The following CDKAL1 variants were observed in gnomAD, a reference collection of about 807,000 sequenced individuals.
CDKAL1 encodes threonylcarbamoyladenosine tRNA methylthiotransferase.
Under a neutral mutation model 68.2 loss-of-function variants are expected in CDKAL1, and 32 were observed. The ratio of observed to expected loss-of-function variants is 0.47; its 90% CI spans 0.35 to 0.63. The LOEUF is 0.63. Among genes scored for constraint, CDKAL1 ranks in the 30% least tolerant of loss-of-function variants. The pLI, the probability that CDKAL1 is intolerant of heterozygous loss-of-function variation, is 0.00. For synonymous variants in CDKAL1, 234 were observed against 244.3 expected, an observed-to-expected ratio of 0.96 and a Z score of 0.39; for missense variants, 606 against 696.7, an observed-to-expected ratio of 0.87 and a Z score of 1.47.
intron 12 of CDKAL1, among the ~76,000 whole-genome samples, chr6:21,069,576 T>C (rs936913164): frequency 2.0e-5 from 3 of 152,030 alleles, no homozygotes; most frequent in African/African-American, 7.2e-5. Flanking sequence ...TTTTGCATTT[T>C]TGTTCATGGA....
chr6:20,777,239 A>G (rs868767798), intron 7 of CDKAL1, among the ~76,000 whole-genome samples: 1 of 152,222 alleles, frequency 6.6e-6, no homozygotes, highest in South Asian at 2.1e-4. Context: ...CTGAATGATA[A>G]CTTGGATTCC....
At position 20,586,538 on chromosome 6, in the gene CDKAL1, T is replaced by C. The variant is rs2127695798; in HGVS notation, c.286+37833T>C. ...CTATAATCCCAGCTACTTGAGAGGC[T>C]GAGGCAGGAGAATCACTTGAACCTG... On this transcript the variant is annotated intron_variant, in intron 4 of 15. Transcript: ENST00000274695. Among the ~76,000 whole-genome samples, 2 of 152,266 alleles carry C rather than the reference T, an allele frequency of 1.3e-5. 1 individual carries two copies. Among genetic ancestry groups the C allele is most frequent in the Non-Finnish European group, 2.9e-5 (2 of 68,020 alleles).
chr6:21,041,934 C>T (rs1267483628), intron 11 of CDKAL1, among the ~76,000 whole-genome samples: 2 of 151,920 alleles, frequency 1.3e-5, no homozygotes, highest in Admixed American at 1.3e-4. Flanking sequence ...ATTCTGTTTT[C>T]AAATCTTTGA....
At chr6:20,663,566 T>C (rs1053204752) in intron 5 of CDKAL1, among the ~76,000 whole-genome samples, 4 of 152,074 alleles carry the variant, frequency 2.6e-5, no homozygotes, top group Non-Finnish European at 5.9e-5. Context: ...ACAGAATACA[T>C]AGGAGAAGTT....
intron 9 of CDKAL1, among the ~76,000 whole-genome samples, chr6:20,904,745 C>T (rs1024680342): frequency 6.6e-6 from 1 of 151,306 alleles, no homozygotes; most frequent in Admixed American, 6.6e-5. Context: ...GCCGAGATTG[C>T]GGCATTGCAC....
At chr6:20,647,378 T>C (rs1768523239) in intron 4 of CDKAL1, among the ~76,000 whole-genome samples, 1 of 152,216 alleles carries the variant, frequency 6.6e-6, no homozygotes, top group African/African-American at 2.4e-5. Context: ...CATATGCATG[T>C]GGTCCCACAC....
chr6:20,620,405 A>G (rs759223231), intron 4 of CDKAL1, among the ~76,000 whole-genome samples: 3 of 152,208 alleles, frequency 2.0e-5, no homozygotes, highest in Non-Finnish European at 4.4e-5. Flanking sequence ...AATATGCTGG[A>G]TCTGCTCTTG....
chr6:20,640,853 T>C (rs1016672718), intron 4 of CDKAL1, among the ~76,000 whole-genome samples: 1 of 152,072 alleles, frequency 6.6e-6, no homozygotes, highest in Non-Finnish European at 1.5e-5. Context: ...TCCTCCTCTA[T>C]AAAATTGGAA....
intron 12 of CDKAL1, among the ~76,000 whole-genome samples, chr6:21,069,478 C>T (rs146974364): frequency 6.6e-6 from 1 of 152,024 alleles, no homozygotes; most frequent in South Asian, 2.1e-4. Flanking sequence ...ATTAAATTAA[C>T]CTTGCATTCC....
At chr6:20,916,851 C>CACCAAA (rs1762743843) in intron 9 of CDKAL1, among the ~76,000 whole-genome samples, 1 of 152,040 alleles carries the variant, frequency 6.6e-6, no homozygotes, top group Admixed American at 6.6e-5. Context: ...TATAAAACTA[C>CACCAAA]CTTAGGACTA....
intron 4 of CDKAL1, among the ~76,000 whole-genome samples, chr6:20,581,510 T>C (rs1355420179): frequency 6.6e-6 from 1 of 152,182 alleles, no homozygotes; most frequent in Non-Finnish European, 1.5e-5. Flanking sequence ...TGAAGAAAAA[T>C]TTTATATGCT....
chr6:21,151,157 G>C (rs1041352035), intron 13 of CDKAL1, among the ~76,000 whole-genome samples: 4 of 152,156 alleles, frequency 2.6e-5, no homozygotes, highest in Non-Finnish European at 5.9e-5. Context: ...GCTATTTTTA[G>C]TTTGTGGGGG....
chr6:20,723,118 C>G (rs1166970407), intron 5 of CDKAL1, among the ~76,000 whole-genome samples: 1 of 152,134 alleles, frequency 6.6e-6, no homozygotes, highest in Non-Finnish European at 1.5e-5. Flanking sequence ...GGGCAGCTGC[C>G]CCATGTGATG....
chr6:20,792,020 T>G (rs185262139), intron 8 of CDKAL1, among the ~76,000 whole-genome samples: 13 of 152,300 alleles, frequency 8.5e-5, no homozygotes, highest in Admixed American at 5.2e-4. Flanking sequence ...AGCCCAACTT[T>G]AATTAAGTAT....
intron 9 of CDKAL1, among the ~76,000 whole-genome samples, chr6:20,886,038 G>T (rs977329994): frequency 6.6e-6 from 1 of 151,892 alleles, no homozygotes; most frequent in African/African-American, 2.4e-5. Context: ...CGCCATCCCC[G>T]TCCCCCACAA....
chr6:21,058,085 A>G (rs574844802), intron 11 of CDKAL1, among the ~76,000 whole-genome samples: 8 of 152,266 alleles, frequency 5.3e-5, no homozygotes, highest in South Asian at 2.1e-4. Flanking sequence ...TTCTGTCTCA[A>G]TGATCTGTCT....
In CDKAL1 at chr6:20,607,808, C is replaced by T. The variant is rs148933042; in HGVS notation, c.287-41485C>T. Among the ~76,000 whole-genome samples the T allele has an allele frequency of 8.0e-3, 1,221 of 152,178 alleles. 23 individuals carry two copies. Among genetic ancestry groups the T allele is most frequent in the African/African-American group, 0.027 (1,141 of 41,514 alleles). On this transcript the variant is annotated intron_variant, in intron 4 of 15. Coordinates refer to ENST00000274695, the MANE Select transcript of CDKAL1 (RefSeq NM_017774.3). ...CTCCCAGGTTCAAGCAATTCTCCTG[C>T]CTCAGCCTCCTGAGTAGCTGGGACT...
chr6:21,118,447 A>G (rs1465178530), intron 13 of CDKAL1, among the ~76,000 whole-genome samples: 3 of 152,204 alleles, frequency 2.0e-5, no homozygotes, highest in African/African-American at 7.2e-5. Flanking sequence ...TCAGATGATT[A>G]CCAACCTCCA....
chr6:20,557,572 A>G (rs558832084), intron 4 of CDKAL1, among the ~76,000 whole-genome samples: 127 of 152,284 alleles, frequency 8.3e-4, no homozygotes, highest in Non-Finnish European at 1.4e-3. Flanking sequence ...TATATATGTG[A>G]ATACATATAT....
Sources: gnomAD v4.1 joint callset for allele counts (sites outside exome capture counted in the v4.1 genomes callset) on GRCh38, gnomAD v4.1.1 for gene constraint, MANE v1.5 for transcripts, NCBI Gene and HGNC (gene_info 2026-07-23, HGNC 2026-07-21) for gene names.